The following PGCKA1 variants were observed in gnomAD, a reference collection of about 807,000 sequenced individuals.
PGCKA1 encodes PDCD10 and GCKIII kinases-associated protein 1.
the PGCKA1 span, among the ~76,000 whole-genome samples, chr4:37,523,579 C>T: frequency 9.2e-5 from 14 of 152,084 alleles, no homozygotes; most frequent in Non-Finnish European, 1.8e-4. Flanking sequence ...TCCAGTTTGC[C>T]AGTCAGTTTT....
At chr4:37,572,946 A>C in the PGCKA1 span, among the ~76,000 whole-genome samples, 1 of 152,218 alleles carries the variant, frequency 6.6e-6, no homozygotes, top group African/African-American at 2.4e-5. Context: ...TCCTAAAAAC[A>C]AGGGCATTCT....
chr4:37,559,617 A>C, the PGCKA1 span, among the ~76,000 whole-genome samples: 2 of 151,948 alleles, frequency 1.3e-5, no homozygotes, highest in East Asian at 3.9e-4. Flanking sequence ...AAATAAAATA[A>C]ATTCAGTTTC....
the PGCKA1 span, among the ~76,000 whole-genome samples, chr4:37,496,096 T>C: frequency 1.3e-5 from 2 of 152,212 alleles, no homozygotes; most frequent in South Asian, 2.1e-4. Context: ...ATAGTTTCTT[T>C]AGCTGTGCAG....
chr4:37,523,387 C>CT, the PGCKA1 span, among the ~76,000 whole-genome samples: 12,942 of 145,830 alleles, frequency 0.089, 670 homozygotes, highest in Middle Eastern at 0.14. Flanking sequence ...TGATTCAGGA[C>CT]TTTTTTTTTT....
At chr4:37,469,835 C>G in the PGCKA1 span, among the ~76,000 whole-genome samples, 2 of 152,178 alleles carry the variant, frequency 1.3e-5, no homozygotes, top group African/African-American at 4.8e-5. Flanking sequence ...CTCTGAAACT[C>G]AAAGGTTGAT....
At chr4:37,590,747 C>T in the PGCKA1 span, 80 of 1,614,118 alleles carry the variant, frequency 5.0e-5, no homozygotes, top group Admixed American at 8.2e-4. Context: ...GGTTTGAATA[C>T]GCCCTTCTCT....
the PGCKA1 span, among the ~76,000 whole-genome samples, chr4:37,456,539 A>G: frequency 1.3e-5 from 2 of 152,240 alleles, no homozygotes; most frequent in Non-Finnish European, 2.9e-5. Flanking sequence ...ACAAATGACA[A>G]AAGGAATATT....
chr4:37,455,190 A>G, the PGCKA1 span, among the ~76,000 whole-genome samples: 3 of 152,070 alleles, frequency 2.0e-5, no homozygotes, highest in Non-Finnish European at 2.9e-5. Flanking sequence ...TTTGTTGCCT[A>G]CCCCTCCCCC....
chr4:37,572,069 T>TCTTTTTC, the PGCKA1 span, among the ~76,000 whole-genome samples: 9 of 111,716 alleles, frequency 8.1e-5, no homozygotes, highest in African/African-American at 3.3e-4. Flanking sequence ...TTTTCTTTTT[T>TCTTTTTC]TTTTTTTTTT....
the PGCKA1 span, among the ~76,000 whole-genome samples, chr4:37,540,661 G>A: frequency 3.5e-3 from 528 of 152,228 alleles, 6 homozygotes; most frequent in African/African-American, 0.012. Flanking sequence ...ATTCCTCTTG[G>A]GATACAGGGA....
chr4:37,591,102 T>A, the PGCKA1 span: 1 of 961,980 alleles, frequency 1.0e-6, no homozygotes, highest in Non-Finnish European at 1.6e-6. Context: ...CATGCACCAG[T>A]GCAGCCTTAC....
the PGCKA1 span, chr4:37,590,127 T>C: frequency 1.9e-6 from 3 of 1,614,170 alleles, no homozygotes; most frequent in East Asian, 6.7e-5. Context: ...CTCCTGGCTA[T>C]GTCAATGAAG....
chr4:37,571,559 A>G, the PGCKA1 span, among the ~76,000 whole-genome samples: 8 of 129,236 alleles, frequency 6.2e-5, no homozygotes, highest in Admixed American at 2.9e-4. Context: ...ATTTTTTGAG[A>G]CAGAGTCTCG....
At chr4:37,525,902 A>C in the PGCKA1 span, among the ~76,000 whole-genome samples, 2 of 152,296 alleles carry the variant, frequency 1.3e-5, no homozygotes, top group Admixed American at 6.5e-5. Flanking sequence ...TTCATATCTT[A>C]ATCAATGGAC....
chr4:37,487,934 C>A, the PGCKA1 span, among the ~76,000 whole-genome samples: 1 of 152,070 alleles, frequency 6.6e-6, no homozygotes, highest in African/African-American at 2.4e-5. Flanking sequence ...TATGACTACA[C>A]CACAGTGTTT....
At chr4:37,460,687 T>C in the PGCKA1 span, 1 of 400,108 alleles carries the variant, frequency 2.5e-6, no homozygotes, top group Admixed American at 3.2e-5. Flanking sequence ...AGTTGTTTGG[T>C]CTTTTTCTTG....
chr4:37,530,535 C>T, the PGCKA1 span, among the ~76,000 whole-genome samples: 4 of 149,196 alleles, frequency 2.7e-5, no homozygotes, highest in East Asian at 5.9e-4. Flanking sequence ...GATCATGCCC[C>T]TGCACTCCAG....
At chr4:37,582,254 A>G in the PGCKA1 span, among the ~76,000 whole-genome samples, 1 of 152,152 alleles carries the variant, frequency 6.6e-6, no homozygotes, top group Non-Finnish European at 1.5e-5. Flanking sequence ...GTTCTTATAA[A>G]GGTGCTTGTT....
chr4:37,573,413 A>G, the PGCKA1 span, among the ~76,000 whole-genome samples: 37,344 of 152,114 alleles, frequency 0.25, 4,652 homozygotes, highest in South Asian at 0.34. Flanking sequence ...CAGGATATGC[A>G]TCCAAGTCTG....
Sources: gnomAD v4.1 joint callset for allele counts (sites outside exome capture counted in the v4.1 genomes callset) on GRCh38, gnomAD v4.1.1 for gene constraint, MANE v1.5 for transcripts, NCBI Gene and HGNC (gene_info 2026-07-23, HGNC 2026-07-21) for gene names.